Variants in LUZP2 observed in about 807,000 individuals in gnomAD.
LUZP2 encodes the protein leucine zipper protein 2.
Under a neutral mutation model 51.6 loss-of-function variants are expected in LUZP2, and 52 were observed. That is an observed-to-expected ratio of 1.01 (90% CI 0.81 to 1.27). The LOEUF (loss-of-function observed/expected upper bound fraction) is 1.27. Ranked by LOEUF, LUZP2 falls within the 50% of genes most tolerant of loss-of-function variation. The pLI is 0.00. For missense variants in LUZP2, 436 were observed against 395.4 expected (o/e 1.10, Z -0.87); for synonymous variants, 154 against 137.3 (o/e 1.12, Z -0.85).
intron 1 of LUZP2, among the ~76,000 whole-genome samples, chr11:24,713,683 G>GTCTTTTTTTT (rs1554978134): frequency 7.8e-5 from 7 of 89,690 alleles, no homozygotes; most frequent in African/African-American, 3.2e-4. Context: ...GTGAGAATCT[G>GTCTTTTTTTT]TTTTTTTTTT....
intron 7 of LUZP2, among the ~76,000 whole-genome samples, chr11:24,952,491 T>A (rs10767279): frequency 0.01 from 1,523 of 151,424 alleles, 18 homozygotes; most frequent in African/African-American, 0.031. Context: ...GAATGGGGAA[T>A]TGAGATTTCC....
intron 1 of LUZP2, among the ~76,000 whole-genome samples, chr11:24,639,230 A>G (rs1034161209): frequency 2.0e-5 from 3 of 151,668 alleles, no homozygotes; most frequent in Non-Finnish European, 4.4e-5. Context: ...TGCATTTTAC[A>G]TTTTCACATT....
At chr11:24,512,922 T>A (rs1296587247) in intron 1 of LUZP2, among the ~76,000 whole-genome samples, 1 of 152,062 alleles carries the variant, frequency 6.6e-6, no homozygotes, top group Non-Finnish European at 1.5e-5. Context: ...GCTAATTTTG[T>A]TGCTGTTGTA....
At chr11:24,681,487 G>A (rs1382219690) in intron 1 of LUZP2, among the ~76,000 whole-genome samples, 5 of 152,092 alleles carry the variant, frequency 3.3e-5, no homozygotes, top group Admixed American at 3.3e-4. Context: ...TATTTATAAT[G>A]TCCTTACCTT....
In LUZP2 at chr11:24,497,102, G is replaced by A; in HGVS notation, c.-142G>A. On this transcript the variant is annotated 5_prime_UTR_variant, in exon 1 of 12. Coordinates refer to ENST00000336930, the MANE Select transcript of LUZP2 (RefSeq NM_001009909.4). ...CAGCGCCTGCCTTCCCCAGGCGTCC[G>A]TTCGTGTGCCCGTCTCCGCCTTTCC... The A allele has an allele frequency of 1.5e-6, 1 of 649,702 alleles. No individual in the cohort carries two copies. The highest frequency in any genetic ancestry group is 2.4e-6 in the Non-Finnish European group (1 of 421,344). 40.2% of individuals were successfully genotyped at this position (649,702 alleles called of 1,614,324 possible). A position where few individuals can be genotyped will look rare whatever the true frequency, so the allele number is the denominator to read the frequency against.
At chr11:24,839,883 T>C (rs1199792666) in intron 5 of LUZP2, among the ~76,000 whole-genome samples, 1 of 151,638 alleles carries the variant, frequency 6.6e-6, no homozygotes, top group Non-Finnish European at 1.5e-5. Context: ...TGATATGCAG[T>C]CTGGTAATGC....
intron 1 of LUZP2, among the ~76,000 whole-genome samples, chr11:24,604,632 A>G (rs993986448): frequency 2.4e-4 from 37 of 151,934 alleles, no homozygotes; most frequent in African/African-American, 7.7e-4. Context: ...CTGGGTTCCA[A>G]TTTTAGCTCT....
At chr11:25,026,241 T>G (rs1385106182) in intron 9 of LUZP2, among the ~76,000 whole-genome samples, 1 of 151,926 alleles carries the variant, frequency 6.6e-6, no homozygotes, top group Non-Finnish European at 1.5e-5. Context: ...TGTATACATA[T>G]GTAACAAACC....
intron 1 of LUZP2, among the ~76,000 whole-genome samples, chr11:24,658,073 A>G (rs1252257185): frequency 3.3e-5 from 5 of 152,190 alleles, no homozygotes; most frequent in African/African-American, 1.2e-4. Flanking sequence ...GGAAATAACT[A>G]CTGTAAAGTT....
At chr11:24,667,609 G>A (rs1856260714) in intron 1 of LUZP2, among the ~76,000 whole-genome samples, 1 of 152,188 alleles carries the variant, frequency 6.6e-6, no homozygotes, top group Admixed American at 6.5e-5. Flanking sequence ...CATTCAAAGA[G>A]CTGATGTTTA....
At chr11:24,606,039 TA>T (rs1379754181) in intron 1 of LUZP2, among the ~76,000 whole-genome samples, 1 of 151,934 alleles carries the variant, frequency 6.6e-6, no homozygotes, top group African/African-American at 2.4e-5. Context: ...AGAATCTTCA[TA>T]TTTTTTATAG....
At chr11:24,807,851 C>T (rs1590565633) in intron 5 of LUZP2, among the ~76,000 whole-genome samples, 2 of 152,114 alleles carry the variant, frequency 1.3e-5, no homozygotes, top group East Asian at 3.9e-4. Flanking sequence ...GACCATCTTG[C>T]TCTTTGGCTT....
chr11:24,714,631 A>G (rs1857967699), intron 1 of LUZP2, among the ~76,000 whole-genome samples: 1 of 152,232 alleles, frequency 6.6e-6, no homozygotes, highest in Non-Finnish European at 1.5e-5. Flanking sequence ...ACGTTCATCT[A>G]CAACAGCAGA....
intron 1 of LUZP2, among the ~76,000 whole-genome samples, chr11:24,587,486 A>T (rs1007880629): frequency 6.6e-6 from 1 of 152,172 alleles, no homozygotes; most frequent in African/African-American, 2.4e-5. Flanking sequence ...TAGCTTTCTG[A>T]TTTTTAGAGA....
At chr11:24,872,863 A>G (rs1486971926) in intron 5 of LUZP2, among the ~76,000 whole-genome samples, 1 of 152,186 alleles carries the variant, frequency 6.6e-6, no homozygotes, top group Non-Finnish European at 1.5e-5. Context: ...ATGTCACAGT[A>G]CAGATATGCC....
chr11:24,872,586 A>G, intron 5 of LUZP2, among the ~76,000 whole-genome samples: 1 of 152,164 alleles, frequency 6.6e-6, no homozygotes. Flanking sequence ...TAAACTCAAC[A>G]AAATGGAGAG....
chr11:24,674,958 G>A (rs1046044215), intron 1 of LUZP2, among the ~76,000 whole-genome samples: 8 of 152,162 alleles, frequency 5.3e-5, no homozygotes, highest in African/African-American at 1.9e-4. Flanking sequence ...TCTGAACTCA[G>A]TTTTTACCTA....
intron 1 of LUZP2, among the ~76,000 whole-genome samples, chr11:24,669,071 G>A (rs1298449084): frequency 2.0e-5 from 3 of 152,090 alleles, no homozygotes; most frequent in Admixed American, 2.0e-4. Context: ...GCAGCAAGGT[G>A]CAACACCAAA....
At chr11:24,873,323 A>G (rs188834657) in intron 5 of LUZP2, among the ~76,000 whole-genome samples, 16 of 152,342 alleles carry the variant, frequency 1.1e-4, no homozygotes, top group South Asian at 6.2e-4. Flanking sequence ...TTTTGAAATA[A>G]TTAGAAGAAA....
Sources: gnomAD v4.1 joint callset for allele counts (sites outside exome capture counted in the v4.1 genomes callset) on GRCh38, gnomAD v4.1.1 for gene constraint, MANE v1.5 for transcripts, NCBI Gene and HGNC (gene_info 2026-07-23, HGNC 2026-07-21) for gene names.